The following MLIP variants were observed in gnomAD, a reference collection of about 807,000 sequenced individuals.
MLIP encodes muscular LMNA-interacting protein.
A neutral mutation model predicts 84.8 loss-of-function variants in MLIP; 79 were observed. That is an observed-to-expected ratio of 0.93 (90% confidence interval 0.78 to 1.12). MLIP has a LOEUF of 1.12. Ranked by LOEUF, MLIP falls within the 50% of genes most tolerant of loss-of-function variation. The pLI, the probability that MLIP is intolerant of heterozygous loss-of-function variation, is 0.00. For synonymous variants in MLIP, 504 were observed against 463.0 expected, an observed-to-expected ratio of 1.09 and a Z score of -1.14; for missense variants, 1,257 against 1,160.6, an observed-to-expected ratio of 1.08 and a Z score of -1.21.
At chr6:54,166,806 C>T (rs1775240959) in intron 8 of MLIP, among the ~76,000 whole-genome samples, 1 of 152,060 alleles carries the variant, frequency 6.6e-6, no homozygotes, top group East Asian at 1.9e-4. Context: ...TTCCAAATAC[C>T]TATCTTCATT....
At chr6:54,165,016 T>A (rs2754792) in intron 8 of MLIP, among the ~76,000 whole-genome samples, 147,359 of 152,004 alleles carry the variant, frequency 0.97, 71,598 homozygotes, top group East Asian at 1. Context: ...CTTTTATAGT[T>A]TTTAAGTTTT....
At chr6:54,208,446 T>C (rs2754812) in intron 11 of MLIP, among the ~76,000 whole-genome samples, 20,773 of 151,938 alleles carry the variant, frequency 0.14, 1,645 homozygotes, top group African/African-American at 0.21. Flanking sequence ...ATCAGCCAGG[T>C]GTGGTGGCAT....
In MLIP at chr6:54,202,206, A is replaced by G. The variant is rs773016693; in HGVS notation, c.2691A>G (p.Glu897=). The G allele has an allele frequency of 6.3e-7, 1 of 1,579,352 alleles. No homozygotes were observed. The highest frequency in any genetic ancestry group is 1.7e-4 in the Middle Eastern group (1 of 5,958). Residue 897 remains glutamate, a synonymous_variant, in exon 11 of 14, where the codon GAA becomes GAG. Coordinates refer to ENST00000502396, the MANE Select transcript of MLIP (RefSeq NM_001281747.2). The part of the protein sequence containing the change: ...YEPNPFSKYL[E]DNSDLFSEQD... ...CCAACCCTTTCAGTAAATACTTGGA[A>G]GATAACAGCGACCTCTTTTCTGAAC...
intron 8 of MLIP, among the ~76,000 whole-genome samples, chr6:54,165,891 T>C (rs1195517142): frequency 6.6e-6 from 1 of 151,914 alleles, no homozygotes; most frequent in Non-Finnish European, 1.5e-5. Flanking sequence ...ATAAGTTCCC[T>C]TACAAAACAG....
intron 1 of MLIP, among the ~76,000 whole-genome samples, chr6:54,087,335 A>G (rs1210572616): frequency 6.6e-6 from 1 of 152,160 alleles, no homozygotes; most frequent in Non-Finnish European, 1.5e-5. Context: ...CATTTATAGC[A>G]AATAGCCTTG....
intron 1 of MLIP, among the ~76,000 whole-genome samples, chr6:54,034,610 T>C (rs1206436504): frequency 2.0e-5 from 3 of 152,180 alleles, no homozygotes; most frequent in African/African-American, 7.2e-5. Flanking sequence ...AAGAAAATAC[T>C]TTTTGTATAG....
At chr6:54,136,671 C>T in intron 3 of MLIP, 44 bp from the exon 4 acceptor site, 2 of 1,385,782 alleles carry the variant, frequency 1.4e-6, no homozygotes, top group Non-Finnish European at 1.9e-6. Context: ...GATCGTTTCA[C>T]AAATAATGTC....
At position 54,213,721 on chromosome 6, in the gene MLIP, A is replaced by AC. The variant is rs1340842909; in HGVS notation, c.2718+11488_2718+11489insC. On this transcript the variant is annotated intron_variant, in intron 11 of 13. Transcript: ENST00000502396. ...AGACTTTGTCTCAAAAAAAAAAAAAAAAAAAAAAAAAAAAACAACAAACAG... is the reference window on the plus strand; with the variant it reads ...AGACTTTGTCTCAAAAAAAAAAAAAACAAAAAAAAAAAAAAACAACAAACAG... 1.4e-3 allele frequency among the ~76,000 whole-genome samples: 150 copies of AC among 106,390 alleles called. 21 individuals are homozygous for AC. The highest frequency in any genetic ancestry group is 2.4e-3 in the African/African-American group (61 of 25,002). The allele number at this position is 106,390 out of a possible 152,430, so 69.8% of individuals were successfully genotyped here.
intron 1 of MLIP, among the ~76,000 whole-genome samples, chr6:54,041,472 A>G (rs747615425): frequency 6.6e-6 from 1 of 152,110 alleles, no homozygotes; most frequent in Admixed American, 6.6e-5. Flanking sequence ...ATATAAGTAT[A>G]TGATTAACTT....
chr6:54,209,257 A>T (rs778051720), intron 11 of MLIP, among the ~76,000 whole-genome samples: 18 of 152,142 alleles, frequency 1.2e-4, no homozygotes, highest in Non-Finnish European at 1.9e-4. Flanking sequence ...CCCAAGATAA[A>T]ATATCTTAAA....
chr6:54,131,968 T>C (rs1582226556), intron 3 of MLIP, among the ~76,000 whole-genome samples: 1 of 152,140 alleles, frequency 6.6e-6, no homozygotes, highest in African/African-American at 2.4e-5. Context: ...GGTGGCTGAG[T>C]AGTTGTGTGC....
chr6:54,038,515 TTA>T (rs769182596), intron 1 of MLIP, among the ~76,000 whole-genome samples: 1 of 151,926 alleles, frequency 6.6e-6, no homozygotes, highest in Non-Finnish European at 1.5e-5. Context: ...CTAGAATAAT[TTA>T]TGTTTATTCA....
chr6:54,165,730 A>T (rs1327924537), intron 8 of MLIP, among the ~76,000 whole-genome samples: 1 of 151,992 alleles, frequency 6.6e-6, no homozygotes, highest in Non-Finnish European at 1.5e-5. Context: ...AGAAAGAAGT[A>T]CTAATTCTAG....
chr6:54,174,373 A>G (rs1386396212), intron 9 of MLIP, among the ~76,000 whole-genome samples: 1 of 152,004 alleles, frequency 6.6e-6, no homozygotes, highest in African/African-American at 2.4e-5. Flanking sequence ...CCAACAGTAT[A>G]TGAGGGTTCC....
At position 54,121,939 on chromosome 6, in the gene MLIP, A is replaced by G. The variant is rs528517703; in HGVS notation, c.252+337A>G. On this transcript the variant is annotated intron_variant, in intron 2 of 13. Coordinates refer to ENST00000502396, the MANE Select transcript of MLIP (RefSeq NM_001281747.2). ...ATCTCAAAAGAAAATATAAGACAAA[A>G]CAGTGAGATATTATTATTTACAGGT... Among the ~76,000 whole-genome samples the G allele has an allele frequency of 3.9e-5, 6 of 152,332 alleles. No individual in the cohort carries two copies. The South Asian group carries it at 1.2e-3, about 32-fold the overall frequency.
intron 10 of MLIP, among the ~76,000 whole-genome samples, chr6:54,197,119 T>C (rs1232434143): frequency 6.6e-6 from 1 of 151,856 alleles, no homozygotes; most frequent in Non-Finnish European, 1.5e-5. Context: ...AGAGGCTGGT[T>C]AGGGATATGA....
At position 54,231,067 on chromosome 6, in the gene MLIP, A is replaced by C. The variant is rs73741479; in HGVS notation, c.2922+150A>C. ...ATAAAGAATATTAAATATTTGTGTG[A>C]AAGCACATTACCTTATAAGCAGATA... On this transcript the variant is annotated intron_variant, in intron 12 of 13. Transcript: ENST00000502396. The C allele has an allele frequency of 3.1e-3, 1,866 of 600,750 alleles. 31 individuals carry two copies. The highest frequency in any genetic ancestry group is 0.028 in the African/African-American group (1,490 of 53,664). The allele number at this position is 600,750 out of a possible 1,614,324, so 37.2% of individuals were successfully genotyped here.
chr6:54,032,358 G>A (rs999422752), intron 1 of MLIP: 1 of 151,946 alleles, frequency 6.6e-6, no homozygotes, highest in African/African-American at 2.4e-5. Context: ...TATTTTGAAG[G>A]AATTTATATT....
intron 11 of MLIP, chr6:54,216,408 A>C: frequency 1.0e-6 from 1 of 985,304 alleles, no homozygotes; most frequent in Non-Finnish European, 1.2e-6. Flanking sequence ...CATAAAACTC[A>C]GCATTGTAGT....
Sources: allele counts gnomAD v4.1 joint callset (sites outside exome capture counted in the v4.1 genomes callset), GRCh38; gene constraint gnomAD v4.1.1; transcripts MANE v1.5; gene names NCBI Gene and HGNC (gene_info 2026-07-23, HGNC 2026-07-21).